PLET1: variants seen among roughly 807,000 people sequenced by gnomAD.
The protein encoded by PLET1 is placenta expressed transcript 1.
In PLET1, 20 loss-of-function variants were observed where a neutral mutation model predicts 18.5. That is an observed-to-expected ratio of 1.08 (90% CI 0.76 to 1.57). The LOEUF is 1.57. Among genes scored for constraint, PLET1 ranks in the 40% most tolerant of loss-of-function variants. PLET1 has a pLI of 0.00. For synonymous variants in PLET1, 93 were observed against 93.8 expected (o/e 0.99, Z 0.05); for missense variants, 256 against 246.4 (o/e 1.04, Z -0.26).
Position 112,260,714 on chromosome 11 carries a change from A to G in PLET1, c.-125T>C, listed in dbSNP as rs1165030645. 10 of 811,534 alleles carry G rather than the reference A, an allele frequency of 1.2e-5. No homozygotes were observed. The highest frequency in any genetic ancestry group is 3.8e-5 in the South Asian group (2 of 53,094). 50.3% of individuals were successfully genotyped at this position (811,534 alleles called of 1,614,324 possible). A position where few individuals can be genotyped will look rare whatever the true frequency, so the allele number is the denominator to read the frequency against. On this transcript the variant is annotated 5_prime_UTR_variant, in exon 1 of 4. Transcript: ENST00000338832. ...CAGATCTTCTCCCTGCCCCTTCTGAATATACATTGGATTCTGGAATTTGGC... is the reference window on the plus strand; with the variant it reads ...CAGATCTTCTCCCTGCCCCTTCTGAGTATACATTGGATTCTGGAATTTGGC...
chr11:112,256,087 C>T (rs1474851785), intron 1 of PLET1, among the ~76,000 whole-genome samples: 3 of 152,154 alleles, frequency 2.0e-5, no homozygotes, highest in African/African-American at 7.2e-5. Flanking sequence ...TTTGTGGTCC[C>T]AGAAATGCTG....
chr11:112,249,731 T>A (rs559230942), intron 3 of PLET1, among the ~76,000 whole-genome samples: 1 of 151,468 alleles, frequency 6.6e-6, no homozygotes, highest in Non-Finnish European at 1.5e-5. Flanking sequence ...CTGAGGTGAG[T>A]GGATCACTTG....
At chr11:112,254,644 TG>T (rs1371831021) in intron 2 of PLET1, among the ~76,000 whole-genome samples, 5 of 134,348 alleles carry the variant, frequency 3.7e-5, no homozygotes, top group South Asian at 2.5e-4. Context: ...GTGTGGTGTG[TG>T]GTGTGTGCTG....
chr11:112,254,629 AGT>A (rs1243084187), intron 2 of PLET1, among the ~76,000 whole-genome samples: 1 of 41,768 alleles, frequency 2.4e-5, no homozygotes, highest in Non-Finnish European at 5.0e-5. Context: ...GTGTGGTATG[AGT>A]GTGTGTGGTG....
intron 2 of PLET1, among the ~76,000 whole-genome samples, chr11:112,253,750 CA>C (rs1350128312): frequency 2.6e-5 from 4 of 152,182 alleles, no homozygotes; most frequent in Non-Finnish European, 5.9e-5. Context: ...CAATTAGGTC[CA>C]ACCAGGCCCA....
At chr11:112,250,390 A>G (rs866864760) in intron 3 of PLET1, among the ~76,000 whole-genome samples, 1 of 152,002 alleles carries the variant, frequency 6.6e-6, no homozygotes, top group African/African-American at 2.4e-5. Context: ...TTGAGGAAAC[A>G]GACTGAAGAT....
chr11:112,259,023 GA>G (rs1336904438), intron 1 of PLET1, among the ~76,000 whole-genome samples: 1 of 152,342 alleles, frequency 6.6e-6, no homozygotes, highest in African/African-American at 2.4e-5. Context: ...TCTGAAGCTG[GA>G]CAGCTGGCTG....
rs1294711954 is a variant in PLET1 at position 112,255,397 on chromosome 11, A to G, written c.377T>C (p.Val126Ala). 5.2e-6 allele frequency: 8 copies of G among 1,552,106 alleles called. No individual in the cohort carries two copies. Among genetic ancestry groups the G allele is most frequent in the African/African-American group, 1.4e-5 (1 of 73,024 alleles). ...QAPEPENITE[V>A]EIQAFTVQIR... ...CAAGCTAGGTTCTTACTGTATCTCCACTTCAGTTATGTTCTCAGGTTCAGG... is the reference window on the plus strand; with the variant it reads ...CAAGCTAGGTTCTTACTGTATCTCCGCTTCAGTTATGTTCTCAGGTTCAGG... Residue 126 changes from valine to alanine, a missense_variant, in exon 2 of 4, where the codon GTG becomes GCG. By Grantham distance (64) the Val-to-Ala change is moderately conservative. Coordinates refer to ENST00000338832, the MANE Select transcript of PLET1 (RefSeq NM_001145024.1).
intron 2 of PLET1, among the ~76,000 whole-genome samples, chr11:112,255,175 GTGTGGTA>G (rs1318537581): frequency 1.3e-5 from 2 of 151,528 alleles, no homozygotes; most frequent in East Asian, 3.9e-4. Flanking sequence ...GTGAGTGTGT[GTGTGGTA>G]TGTGGTGTGT....
chr11:112,250,220 C>CTTTTTTT (rs33963716), intron 3 of PLET1, among the ~76,000 whole-genome samples: 4 of 49,872 alleles, frequency 8.0e-5, no homozygotes, highest in Admixed American at 7.7e-4. Flanking sequence ...AGAAACAAAC[C>CTTTTTTT]TTTTTTTTTT....
intron 3 of PLET1, among the ~76,000 whole-genome samples, chr11:112,250,238 T>TTTTTTTTC: frequency 7.1e-6 from 1 of 140,510 alleles, no homozygotes; most frequent in Non-Finnish European, 1.5e-5. Context: ...TTTTTTTTTT[T>TTTTTTTTC]TTTTTTTCCT....
At chr11:112,256,021 G>T (rs764788973) in intron 1 of PLET1, among the ~76,000 whole-genome samples, 1 of 152,154 alleles carries the variant, frequency 6.6e-6, no homozygotes, top group Non-Finnish European at 1.5e-5. Context: ...GTGTGGGGAC[G>T]GAAGAGGCTG....
intron 1 of PLET1, among the ~76,000 whole-genome samples, chr11:112,256,890 T>TC (rs11426544): frequency 0.67 from 101,454 of 152,082 alleles, 34,881 homozygotes; most frequent in South Asian, 0.8. Context: ...GTCCTGCTTT[T>TC]CCCTTCCATT....
At chr11:112,249,754 C>T (rs1305623483) in intron 3 of PLET1, among the ~76,000 whole-genome samples, 6 of 151,792 alleles carry the variant, frequency 4.0e-5, no homozygotes, top group Non-Finnish European at 7.4e-5. Flanking sequence ...GTCAGGGGTT[C>T]GAGACCAGCC....
chr11:112,260,488 G>C lies in PLET1; in HGVS notation c.102C>G (p.Cys34Trp), dbSNP rs1471034765. 6.4e-7 allele frequency: 1 copy of C among 1,551,676 alleles called. No homozygotes were observed. Among genetic ancestry groups the C allele is most frequent in the Non-Finnish European group, 8.7e-7 (1 of 1,146,980 alleles). The change falls in exon 1 of 4, where the codon TGC (cysteine) becomes TGG (tryptophan). Residue 34 changes from cysteine to tryptophan, a missense_variant. Cys to Trp is a radical substitution (Grantham distance 215). Transcript: ENST00000338832. ...TGGTGTAGTATTCATCAAAGGTGAA[G>C]CAGGTGCTACTGTACCTTATAAAGG... ...SATFIRYSST[C>W]FTFDEYYTIT...
At chr11:112,256,595 C>T (rs1252599086) in intron 1 of PLET1, among the ~76,000 whole-genome samples, 2 of 152,194 alleles carry the variant, frequency 1.3e-5, no homozygotes, top group Admixed American at 6.5e-5. Context: ...TGATACCTAT[C>T]TTGAAAGGTC....
chr11:112,250,220 C>CTTTTT (rs33963716), intron 3 of PLET1, among the ~76,000 whole-genome samples: 127 of 49,808 alleles, frequency 2.5e-3, no homozygotes, highest in Non-Finnish European at 3.1e-3. Context: ...AGAAACAAAC[C>CTTTTT]TTTTTTTTTT....
In PLET1 at chr11:112,260,422, G is replaced by C; in HGVS notation, c.168C>G (p.Ser56Arg). ...TCTACTCACCAGAATAGACTGCATT[G>C]CTTTCGTAGATATGTGAACTGGCCT... ...DIKASSHIYE[S>R]NAVYSVFVPV... Residue 56 changes from serine (S) to arginine (R), a missense_variant, in exon 1 of 4, where the codon AGC becomes AGG. Physicochemically the swap from Ser to Arg is moderately radical, Grantham distance 110. Coordinates refer to ENST00000338832, the MANE Select transcript of PLET1 (RefSeq NM_001145024.1). 1 of 1,551,658 alleles carries C rather than the reference G, an allele frequency of 6.4e-7. No individual in the cohort carries two copies. The highest frequency in any genetic ancestry group is 8.7e-7 in the Non-Finnish European group (1 of 1,146,864).
At chr11:112,254,007 ATC>A (rs1416384322) in intron 2 of PLET1, among the ~76,000 whole-genome samples, 11 of 152,206 alleles carry the variant, frequency 7.2e-5, no homozygotes, top group Non-Finnish European at 1.6e-4. Flanking sequence ...TTACCTCAGA[ATC>A]TGAGTGTGTC....
Sources: allele counts gnomAD v4.1 joint callset (sites outside exome capture counted in the v4.1 genomes callset), GRCh38; gene constraint gnomAD v4.1.1; transcripts MANE v1.5; gene names NCBI Gene and HGNC (gene_info 2026-07-23, HGNC 2026-07-21).